SPAG16: variants seen among roughly 807,000 people sequenced by gnomAD.
The protein encoded by SPAG16 is sperm associated antigen 16, also known as sperm-associated antigen 16 protein.
A neutral mutation model predicts 80.4 loss-of-function variants in SPAG16; 86 were observed. That is an observed-to-expected ratio of 1.07 (90% CI 0.90 to 1.28). SPAG16 has a LOEUF of 1.28. SPAG16 is among the 50% of genes most tolerant of loss of function. The pLI is 0.00. For missense variants in SPAG16, 870 were observed against 765.3 expected, an observed-to-expected ratio of 1.14 and a Z score of -1.61; for synonymous variants, 294 against 265.9, an observed-to-expected ratio of 1.11 and a Z score of -1.03.
At chr2:213,632,679 A>C (rs539727109) in intron 10 of SPAG16, among the ~76,000 whole-genome samples, 1 of 152,222 alleles carries the variant, frequency 6.6e-6, no homozygotes, top group South Asian at 2.1e-4. Flanking sequence ...TTTATTATGA[A>C]GGAATGTTGA....
intron 3 of SPAG16, among the ~76,000 whole-genome samples, chr2:213,297,593 C>A (rs1230938104): frequency 5.9e-5 from 9 of 151,954 alleles, no homozygotes; most frequent in Non-Finnish European, 1.0e-4. Flanking sequence ...TCAAGTGACA[C>A]CTTCTCTCTG....
intron 15 of SPAG16, among the ~76,000 whole-genome samples, chr2:214,172,127 G>T (rs2056890719): frequency 1.3e-5 from 2 of 151,214 alleles, no homozygotes; most frequent in South Asian, 2.1e-4. Context: ...AAAGTTTTAG[G>T]TTACATGTGC....
intron 1 of SPAG16, among the ~76,000 whole-genome samples, chr2:213,288,060 C>T (rs2062119749): frequency 6.6e-6 from 1 of 152,122 alleles, no homozygotes; most frequent in Non-Finnish European, 1.5e-5. Flanking sequence ...TGTGCGGCAC[C>T]ATACCCAGCT....
At chr2:213,790,769 G>A (rs968450282) in intron 10 of SPAG16, among the ~76,000 whole-genome samples, 1 of 151,972 alleles carries the variant, frequency 6.6e-6, no homozygotes, top group Non-Finnish European at 1.5e-5. Context: ...AGATGTAAGA[G>A]GTAATCTTTG....
At chr2:213,418,285 A>G (rs1203343636) in intron 9 of SPAG16, among the ~76,000 whole-genome samples, 4 of 152,200 alleles carry the variant, frequency 2.6e-5, no homozygotes, top group African/African-American at 9.6e-5. Context: ...ATATGCACAC[A>G]TGTACACTTC....
intron 13 of SPAG16, among the ~76,000 whole-genome samples, chr2:214,054,098 C>A (rs2049806258): frequency 6.6e-6 from 1 of 152,092 alleles, no homozygotes; most frequent in African/African-American, 2.4e-5. Flanking sequence ...AAACCTCCGC[C>A]TCCCGGGTTC....
intron 10 of SPAG16, among the ~76,000 whole-genome samples, chr2:213,598,476 T>C (rs1404633606): frequency 6.6e-6 from 1 of 152,152 alleles, no homozygotes; most frequent in Non-Finnish European, 1.5e-5. Context: ...TTCATTAGAG[T>C]GTAAAATTTA....
chr2:214,340,885 T>G (rs1390499972), intron 15 of SPAG16, among the ~76,000 whole-genome samples: 1 of 152,098 alleles, frequency 6.6e-6, no homozygotes, highest in East Asian at 1.9e-4. Context: ...AAAATCAACC[T>G]AAGTGAAGGA....
intron 14 of SPAG16, among the ~76,000 whole-genome samples, chr2:214,131,277 G>A (rs1042669706): frequency 6.6e-6 from 1 of 151,914 alleles, no homozygotes; most frequent in Non-Finnish European, 1.5e-5. Flanking sequence ...AGTTGAAGTG[G>A]GAGGATGGCT....
intron 7 of SPAG16, among the ~76,000 whole-genome samples, chr2:213,351,170 T>G (rs1258536324): frequency 6.6e-6 from 1 of 152,062 alleles, no homozygotes; most frequent in African/African-American, 2.4e-5. Context: ...AAATATCATT[T>G]AATTGAGACA....
At chr2:213,827,769 G>C (rs909275593) in intron 10 of SPAG16, among the ~76,000 whole-genome samples, 1 of 151,764 alleles carries the variant, frequency 6.6e-6, no homozygotes, top group African/African-American at 2.4e-5. Flanking sequence ...TTCATGTTTG[G>C]AAGGGCCTGG....
chr2:213,292,266 C>T (rs2062305707), intron 1 of SPAG16, among the ~76,000 whole-genome samples: 1 of 152,162 alleles, frequency 6.6e-6, no homozygotes, highest in Non-Finnish European at 1.5e-5. Context: ...TGACCGCTTA[C>T]AAAATTACTT....
chr2:213,493,611 TCTTGCCCAGA>T (rs1339077293), intron 10 of SPAG16, among the ~76,000 whole-genome samples: 2 of 152,178 alleles, frequency 1.3e-5, no homozygotes, highest in African/African-American at 2.4e-5. Flanking sequence ...AGTCTCGCTC[TCTTGCCCAGA>T]CTGGAGCGCA....
At chr2:214,013,880 A>G (rs185877036) in intron 12 of SPAG16, 71 bp from the exon 13 acceptor site, 26 of 1,449,368 alleles carry the variant, frequency 1.8e-5, no homozygotes, top group South Asian at 5.9e-5. Flanking sequence ...AGTTCCTTAA[A>G]TTATTTTTAT....
intron 10 of SPAG16, among the ~76,000 whole-genome samples, chr2:213,832,417 C>T (rs1007290363): frequency 6.6e-5 from 10 of 152,090 alleles, no homozygotes; most frequent in Admixed American, 1.3e-4. Flanking sequence ...GACTTTCTCC[C>T]GTCTTCCTGT....
chr2:213,418,911 C>A (rs932283364), intron 9 of SPAG16, among the ~76,000 whole-genome samples: 3 of 152,168 alleles, frequency 2.0e-5, no homozygotes, highest in African/African-American at 7.2e-5. Context: ...ATCAACTATA[C>A]AAATTACTGA....
chr2:214,145,068 A>C (rs558474293), intron 14 of SPAG16, among the ~76,000 whole-genome samples: 4 of 152,118 alleles, frequency 2.6e-5, no homozygotes, highest in Non-Finnish European at 5.9e-5. Context: ...ATGCCATAAG[A>C]TATGTTTATA....
chr2:213,780,689 AG>A (rs2069899088), intron 10 of SPAG16, among the ~76,000 whole-genome samples: 1 of 151,594 alleles, frequency 6.6e-6, no homozygotes, highest in Non-Finnish European at 1.5e-5. Context: ...GTATTTGCAA[AG>A]GAGAATAATT....
At chr2:213,640,435 G>A (rs777399896) in intron 10 of SPAG16, among the ~76,000 whole-genome samples, 1 of 152,110 alleles carries the variant, frequency 6.6e-6, no homozygotes, top group Non-Finnish European at 1.5e-5. Context: ...TTCTCATTGG[G>A]TGCTCCCTTG....
Sources: gnomAD v4.1 joint callset for allele counts (sites outside exome capture counted in the v4.1 genomes callset) on GRCh38, gnomAD v4.1.1 for gene constraint, MANE v1.5 for transcripts, NCBI Gene and HGNC (gene_info 2026-07-23, HGNC 2026-07-21) for gene names.